The following TMEM63A variants were observed in gnomAD, a reference collection of about 807,000 sequenced individuals.
The protein encoded by TMEM63A is mechanosensitive cation channel TMEM63A.
In TMEM63A, 76 loss-of-function variants were observed where a neutral mutation model predicts 100.6. The ratio of observed to expected loss-of-function variants is 0.76; its 90% confidence interval spans 0.63 to 0.91. The LOEUF (loss-of-function observed/expected upper bound fraction) is 0.91. TMEM63A is among the 40% of genes least tolerant of loss of function. The pLI, the probability that TMEM63A is intolerant of heterozygous loss-of-function variation, is 0.00. For synonymous variants in TMEM63A, 401 were observed against 401.1 expected (o/e 1.00, Z 0.00); for missense variants, 876 against 1,008.8 (o/e 0.87, Z 1.78).
chr1:225,874,120 G>A (rs548842092), intron 4 of TMEM63A, among the ~76,000 whole-genome samples, 168 bp downstream of exon 4: 1 of 152,276 alleles, frequency 6.6e-6, no homozygotes, highest in South Asian at 2.1e-4. Context: ...TGTCATGTGT[G>A]GGTCCTGCCC....
At chr1:225,877,976 C>T (rs1559053745) in intron 2 of TMEM63A, among the ~76,000 whole-genome samples, 2 of 152,092 alleles carry the variant, frequency 1.3e-5, no homozygotes, top group Non-Finnish European at 2.9e-5. Flanking sequence ...GCAGAAGCCA[C>T]TGGCGGATCT....
chr1:225,842,286 A>T, downstream of TMEM63A: 1 of 1,073,434 alleles, frequency 9.3e-7, no homozygotes. Flanking sequence ...CTCTGCGGCC[A>T]GTGCCACACA....
At chr1:225,844,856 T>C (rs1287207360), downstream of TMEM63A, among the ~76,000 whole-genome samples, 2 of 152,120 alleles carry the variant, frequency 1.3e-5, no homozygotes, top group African/African-American at 4.8e-5. Flanking sequence ...CAGTCTAGGA[T>C]GCTGGTCTGG....
rs1670136202 is a variant in TMEM63A at position 225,865,193 on chromosome 1, C to G, written c.746+704G>C. Reference sequence around the variant, plus strand: ...AGCTCCTCAGCCCAGCCTTCAGGTCCTCCAGCATGGGGTCCTGGGAGCCTT... The same window carrying G: ...AGCTCCTCAGCCCAGCCTTCAGGTCGTCCAGCATGGGGTCCTGGGAGCCTT... On this transcript the variant is annotated intron_variant, in intron 10 of 24. Transcript: ENST00000366835. This position sits in a 1 kb window ranked among gnomAD's most constrained non-coding sequence, Gnocchi z 4.6. 6.6e-6 allele frequency: 1 copy of G among 152,364 alleles called. No homozygotes were observed. Among genetic ancestry groups the G allele is most frequent in the African/African-American group, 2.4e-5 (1 of 41,434 alleles). The allele number at this position is 152,364 out of a possible 1,614,324, so 9.4% of individuals were successfully genotyped here. A position where few individuals can be genotyped will look rare whatever the true frequency, so the allele number is the denominator to read the frequency against.
At position 225,873,138 on chromosome 1, in the gene TMEM63A, CAGA is replaced by C. The variant is rs528616586; in HGVS notation, c.267-1088_267-1086del. 5.9e-5 allele frequency among the ~76,000 whole-genome samples: 9 copies of C among 152,254 alleles called. No individual in the cohort carries two copies. The East Asian group carries it at 1.5e-3, about 26-fold the overall frequency. On this transcript the variant is annotated intron_variant, in intron 4 of 24. Transcript: ENST00000366835. ...CCGTGACCTCATGGGGAAGAGAGGA[CAGA>C]AGGAGACCGACCCTATTAAGTTTGG... is the stretch of plus-strand genomic sequence containing the variant.
At chr1:225,845,434 A>G, downstream of TMEM63A, 2 of 1,415,392 alleles carry the variant, frequency 1.4e-6, no homozygotes, top group African/African-American at 1.4e-5. Flanking sequence ...CTGAGGAATG[A>G]GTTTGCCTCC....
chr1:225,853,755 C>T lies in TMEM63A; in HGVS notation c.1671G>A (p.Val557=), dbSNP rs1401453832. 1.2e-6 allele frequency: 2 copies of T among 1,608,000 alleles called. No individual in the cohort carries two copies. Among genetic ancestry groups the T allele is most frequent in the African/African-American group, 2.7e-5 (2 of 74,840 alleles). Residue 557 remains valine, a synonymous_variant, in exon 19 of 25, where the codon GTG becomes GTA. Transcript: ENST00000366835. This position sits in a 1 kb window ranked among gnomAD's most constrained non-coding sequence, Gnocchi z 4.0. ...VFLPDQGAFF[V]NYVIASAFIG... is the part of the protein sequence containing the mutation. ...TGAAGGCCGAGGCGATGACATAGTTCACAAAGAAGGCACCCTGGTCAGGCA... is the reference window on the plus strand; with the variant it reads ...TGAAGGCCGAGGCGATGACATAGTTTACAAAGAAGGCACCCTGGTCAGGCA...
chr1:225,863,744 C>G lies in TMEM63A; in HGVS notation c.747-893G>C, dbSNP rs193097645. Among the ~76,000 whole-genome samples, 7 of 151,988 alleles carry G rather than the reference C, an allele frequency of 4.6e-5. No homozygotes were observed. The East Asian group carries it at 1.4e-3, about 29-fold the overall frequency. On this transcript the variant is annotated intron_variant, in intron 10 of 24. Coordinates refer to ENST00000366835, the MANE Select transcript of TMEM63A (RefSeq NM_014698.3). ...CCAGCCTGGCCAATGTGGTGAAACG[C>G]TGTCTCTACTAAAAATACAAAAATT... is the stretch of plus-strand genomic sequence containing the variant.
At chr1:225,844,357 G>A (rs946551380), downstream of TMEM63A, 27 of 1,326,684 alleles carry the variant, frequency 2.0e-5, no homozygotes, top group African/African-American at 4.3e-5. Flanking sequence ...CCTGTGACAC[G>A]AGGATACCAC....
intron 3 of TMEM63A, among the ~76,000 whole-genome samples, chr1:225,875,101 GT>G (rs1273501628): frequency 1.3e-5 from 2 of 152,220 alleles, no homozygotes; most frequent in Non-Finnish European, 2.9e-5. Flanking sequence ...GAAACGGTCA[GT>G]TTTTTCCTCT....
intron 6 of TMEM63A, among the ~76,000 whole-genome samples, chr1:225,869,355 G>C (rs1201864950): frequency 6.6e-6 from 1 of 152,182 alleles, no homozygotes; most frequent in African/African-American, 2.4e-5. Context: ...TAACTACATT[G>C]TTCTCATTTC....
At chr1:225,851,371 T>C (rs577979746) in intron 20 of TMEM63A, among the ~76,000 whole-genome samples, 90 of 152,276 alleles carry the variant, frequency 5.9e-4, no homozygotes, top group Non-Finnish European at 8.2e-4. Flanking sequence ...TTTTGTTTTT[T>C]TATTTTTTAT....
intron 2 of TMEM63A, among the ~76,000 whole-genome samples, chr1:225,878,885 TACACAC>T (rs55792328): frequency 2.7e-3 from 373 of 139,338 alleles, no homozygotes; most frequent in African/African-American, 5.1e-3. Context: ...CCTACCTACC[TACACAC>T]ACACACACAC....
At position 225,869,666 on chromosome 1, in the gene TMEM63A, C is replaced by CTTT. The variant is rs10638876; in HGVS notation, c.371+1407_371+1409dup. On this transcript the variant is annotated intron_variant, in intron 6 of 24. Transcript: ENST00000366835. ...ATCATTTTCATATTTCTTTTCTTTT[C>CTTT]TTTTTTTTTTTTTTTGAGACAGTTT... 5.1e-3 allele frequency among the ~76,000 whole-genome samples: 556 copies of CTTT among 109,878 alleles called. 2 individuals carry two copies. Among genetic ancestry groups the CTTT allele is most frequent in the African/African-American group, 0.01 (283 of 28,282 alleles). 72.1% of individuals were successfully genotyped at this position (109,878 alleles called of 152,430 possible). A position where few individuals can be genotyped will look rare whatever the true frequency, so the allele number is the denominator to read the frequency against.
Position 225,845,755 on chromosome 1 carries a change from C to A in TMEM63A, c.*1184G>T. The A allele has an allele frequency of 3.1e-6, 1 of 322,778 alleles. No homozygotes were observed. Among genetic ancestry groups the A allele is most frequent in the Non-Finnish European group, 5.9e-6 (1 of 169,250 alleles). The allele number at this position is 322,778 out of a possible 1,614,324, so 20.0% of individuals were successfully genotyped here. A position where few individuals can be genotyped will look rare whatever the true frequency, so the allele number is the denominator to read the frequency against. On this transcript the variant is annotated 3_prime_UTR_variant, in exon 25 of 25. Coordinates refer to ENST00000366835, the MANE Select transcript of TMEM63A (RefSeq NM_014698.3). ...CTCCCAGCGCAGGGGCAGCTTGGAGCAGAGGCAGCACTGGCCACCACTGCG... is the reference window on the plus strand; with the variant it reads ...CTCCCAGCGCAGGGGCAGCTTGGAGAAGAGGCAGCACTGGCCACCACTGCG...
chr1:225,851,658 C>T (rs1235535956), intron 20 of TMEM63A, among the ~76,000 whole-genome samples: 1 of 152,168 alleles, frequency 6.6e-6, no homozygotes, highest in African/African-American at 2.4e-5. Flanking sequence ...CATAAGCCAT[C>T]GTGCCCAGCC....
rs55792328 is a variant in TMEM63A, at chr1:225,878,885, TACACACAC to T, written c.-15+327_-15+334del. ...ACACCTACCTACCTACCTACCTACCTACACACACACACACACACACACACACACACACA... is the reference window on the plus strand; with the variant it reads ...ACACCTACCTACCTACCTACCTACCTACACACACACACACACACACACACA... On this transcript the variant is annotated intron_variant, in intron 2 of 24. Coordinates refer to ENST00000366835, the MANE Select transcript of TMEM63A (RefSeq NM_014698.3). 8.1e-3 allele frequency among the ~76,000 whole-genome samples: 1,135 copies of T among 139,566 alleles called. 14 individuals are homozygous for T. Among genetic ancestry groups the T allele is most frequent in the African/African-American group, 0.029 (1,050 of 36,612 alleles). 91.6% of individuals were successfully genotyped at this position (139,566 alleles called of 152,430 possible).
At chr1:225,858,996 G>A (rs982498406) in intron 15 of TMEM63A, among the ~76,000 whole-genome samples, 200 bp downstream of exon 15, 1 of 107,530 alleles carries the variant, frequency 9.3e-6, no homozygotes, top group African/African-American at 3.5e-5. Flanking sequence ...GTGTGTGTGT[G>A]TATGGCATTA....
intron 5 of TMEM63A, chr1:225,871,461 G>C: frequency 3.8e-6 from 1 of 264,264 alleles, no homozygotes. Context: ...CTAATGGATT[G>C]GACGGTCCGC....
Sources: allele counts gnomAD v4.1 joint callset (sites outside exome capture counted in the v4.1 genomes callset), GRCh38; gene constraint gnomAD v4.1.1; non-coding constraint Gnocchi (gnomAD v3.1); transcripts MANE v1.5; gene names NCBI Gene and HGNC (gene_info 2026-07-23, HGNC 2026-07-21).